RAI1: variants seen among roughly 807,000 people sequenced by gnomAD.
RAI1 encodes the protein retinoic acid induced 1.
RAI1 carries 9 observed loss-of-function variants against 123.8 expected under a neutral mutation model. The ratio of observed to expected loss-of-function variants is 0.07; its 90% CI spans 0.04 to 0.13. The LOEUF (loss-of-function observed/expected upper bound fraction) is 0.13, where lower values mean the gene tolerates loss of function less well. RAI1 is among the 10% of genes least tolerant of loss of function. The pLI, the probability that RAI1 is intolerant of heterozygous loss-of-function variation, is 1.00. For synonymous variants in RAI1, 1,231 were observed against 1,127.3 expected (o/e 1.09, Z -1.84); for missense variants, 2,256 against 2,545.8 (o/e 0.89, Z 2.45).
chr17:17,798,486 G>A lies in RAI1; in HGVS notation c.5538G>A (p.Gln1846=), dbSNP rs2032349439. The change falls in exon 3 of 6, where the codon CAG becomes CAA. Residue 1846 remains glutamine (Q), a synonymous_variant. Coordinates refer to ENST00000353383, the MANE Select transcript of RAI1 (RefSeq NM_030665.4). ...YLVAGKLFGL[Q]EAMKVAVDMM... is the part of the protein sequence containing the mutation. ...TGGCCGGGAAGCTCTTTGGGCTGCAGGAGGCCATGAAGGTGGCCGTGGACA... is the reference window on the plus strand; with the variant it reads ...TGGCCGGGAAGCTCTTTGGGCTGCAAGAGGCCATGAAGGTGGCCGTGGACA... 6.2e-7 allele frequency: 1 copy of A among 1,603,042 alleles called. No individual in the cohort carries two copies. The highest frequency in any genetic ancestry group is 1.1e-5 in the South Asian group (1 of 91,030).
chr17:17,740,966 GGGGT>G (rs1567863787), intron 2 of RAI1, among the ~76,000 whole-genome samples: 1 of 133,816 alleles, frequency 7.5e-6, no homozygotes, highest in Non-Finnish European at 1.6e-5. Context: ...GCGGGTGGGA[GGGGT>G]GGGTGAGGCA....
intron 4 of RAI1, chr17:17,804,086 G>A (rs575072766): frequency 1.6e-6 from 1 of 607,950 alleles, no homozygotes; most frequent in East Asian, 3.0e-5. Flanking sequence ...GAGCAGTGAG[G>A]GAAGATAGAA....
chr17:17,795,856 G>C lies in RAI1; in HGVS notation c.2908G>C (p.Ala970Pro). 1.9e-6 allele frequency: 3 copies of C among 1,613,004 alleles called. No individual in the cohort carries two copies. The highest frequency in any genetic ancestry group is 2.5e-6 in the Non-Finnish European group (3 of 1,179,990). ...TCCAGGGGATTCCACCACCTCGGAC[G>C]CCTCTCTGGCCCAGAAGCCCAACAA... Reference protein sequence around the residue: ...RAPGDSTTSDASLAQKPNKPA... With the variant: ...RAPGDSTTSDPSLAQKPNKPA... The change falls in exon 3 of 6, where the codon GCC becomes CCC. Residue 970 changes from alanine (A) to proline (P), a missense_variant. Transcript: ENST00000353383. The surrounding 1 kb of genome is among the most constrained non-coding windows in gnomAD (Gnocchi z 5.9).
rs2143001897 is a variant in RAI1, at chr17:17,794,275, G to A, written c.1327G>A (p.Glu443Lys). 4 of 1,613,300 alleles carry A rather than the reference G, an allele frequency of 2.5e-6. No individual in the cohort carries two copies. In the Admixed American group the frequency reaches 5.0e-5, roughly 20 times the overall value. ...QSLTALTSQV[E>K]NISNTVQQLL... ...CCTCACGGCGCTGACCTCACAGGTG[G>A]AGAACATCTCCAACACCGTCCAGCA... Residue 443 changes from glutamate to lysine, a missense_variant, in exon 3 of 6, where the codon GAG (glutamate) becomes AAG (lysine). This residue lies in a region of RAI1 where 357 missense variants were observed against 480.2 expected (regional missense o/e 0.74). Coordinates refer to ENST00000353383, the MANE Select transcript of RAI1 (RefSeq NM_030665.4).
At chr17:17,682,820 G>A (rs1303493576) in intron 1 of RAI1, among the ~76,000 whole-genome samples, 1 of 152,028 alleles carries the variant, frequency 6.6e-6, no homozygotes, top group African/African-American at 2.4e-5. Context: ...GGGCTGCCGC[G>A]GTGCTCTCCT....
chr17:17,802,035 C>T (rs748785689), intron 3 of RAI1: 1 of 470,418 alleles, frequency 2.1e-6, no homozygotes, highest in East Asian at 6.9e-5. Flanking sequence ...ACCCCCCGCC[C>T]CCAGCACGGT....
At chr17:17,803,624 G>T in intron 3 of RAI1, 132 bp from the exon 4 acceptor site, 1 of 818,190 alleles carries the variant, frequency 1.2e-6, no homozygotes, top group Non-Finnish European at 2.1e-6. Context: ...GGACTCAGGC[G>T]ATCCTCCCAC....
chr17:17,720,296 AG>A (rs1421973655), intron 1 of RAI1, among the ~76,000 whole-genome samples: 1 of 152,272 alleles, frequency 6.6e-6, no homozygotes, highest in Non-Finnish European at 1.5e-5. Flanking sequence ...TCCAGAACAC[AG>A]CCTCACCTCA....
rs2032451851 is a variant in RAI1, at chr17:17,801,234, G to T, written c.5566-2522G>T. Among the ~76,000 whole-genome samples, 1 of 152,148 alleles carries T rather than the reference G, an allele frequency of 6.6e-6. No homozygotes were observed. Among genetic ancestry groups the T allele is most frequent in the Non-Finnish European group, 1.5e-5 (1 of 68,022 alleles). On this transcript the variant is annotated intron_variant, in intron 3 of 5. Transcript: ENST00000353383. This position sits in a 1 kb window ranked among gnomAD's most constrained non-coding sequence, Gnocchi z 4.1. ...CCTATCCAGATGGAGCCTGGCCATG[G>T]AATGCTTGGGGTGAGAGGGACCCAT... is the stretch of plus-strand genomic sequence containing the variant.
chr17:17,684,371 T>C (rs1455850982), intron 1 of RAI1: 1 of 152,098 alleles, frequency 6.6e-6, no homozygotes, highest in Non-Finnish European at 1.5e-5. Flanking sequence ...TTTTTTTAAT[T>C]ACTGATTGCT....
intron 2 of RAI1, among the ~76,000 whole-genome samples, chr17:17,758,506 C>T (rs1028489333): frequency 6.6e-5 from 10 of 152,122 alleles, no homozygotes; most frequent in South Asian, 2.1e-4. Flanking sequence ...AGATGGAGGA[C>T]AGGAAAAGGC....
rs2032174170 is a variant in RAI1, at chr17:17,794,934, G to A, written c.1986G>A (p.Gly662=). The A allele has an allele frequency of 6.2e-7, 1 of 1,613,578 alleles. No homozygotes were observed. Among genetic ancestry groups the A allele is most frequent in the Admixed American group, 1.7e-5 (1 of 60,012 alleles). Residue 662 remains glycine (G), a synonymous_variant, in exon 3 of 6, where the codon GGG becomes GGA. Coordinates refer to ENST00000353383, the MANE Select transcript of RAI1 (RefSeq NM_030665.4). ...SVAKSAWPRP[G]EPEALPDSLQ... is the part of the protein sequence containing the mutation. ...CCAAGAGTGCGTGGCCCCGGCCTGG[G>A]GAGCCGGAGGCCCTGCCCGACTCCT...
intron 2 of RAI1, among the ~76,000 whole-genome samples, chr17:17,745,979 C>T (rs902234326): frequency 5.3e-5 from 8 of 152,194 alleles, no homozygotes; most frequent in African/African-American, 1.7e-4. Flanking sequence ...GGACTGGGTG[C>T]GTTGTTCCCA....
chr17:17,746,634 C>CTTTTCT (rs1467721828), intron 2 of RAI1, among the ~76,000 whole-genome samples: 14 of 120,402 alleles, frequency 1.2e-4, no homozygotes, highest in Non-Finnish European at 2.4e-4. Context: ...CTTTTCTTTT[C>CTTTTCT]TTTTTTTTTT....
chr17:17,706,026 A>G (rs1483833898), intron 1 of RAI1, among the ~76,000 whole-genome samples: 1 of 147,012 alleles, frequency 6.8e-6, no homozygotes, highest in Non-Finnish European at 1.5e-5. Flanking sequence ...CTGTCTCAAA[A>G]AAAAAAAAAA....
chr17:17,794,941 G>A lies in RAI1; in HGVS notation c.1993G>A (p.Glu665Lys), dbSNP rs1380187366. The change falls in exon 3 of 6, where the codon GAG (glutamate) becomes AAG (lysine). Residue 665 changes from glutamate (E) to lysine (K), a missense_variant. Glu to Lys is a moderately conservative substitution (Grantham distance 56). Coordinates refer to ENST00000353383, the MANE Select transcript of RAI1 (RefSeq NM_030665.4). Reference sequence around the variant, plus strand: ...TGCGTGGCCCCGGCCTGGGGAGCCGGAGGCCCTGCCCGACTCCTTGCAGCT... The same window carrying A: ...TGCGTGGCCCCGGCCTGGGGAGCCGAAGGCCCTGCCCGACTCCTTGCAGCT... Reference protein sequence around the residue: ...KSAWPRPGEPEALPDSLQLDK... With the variant: ...KSAWPRPGEPKALPDSLQLDK... 2 of 1,613,614 alleles carry A rather than the reference G, an allele frequency of 1.2e-6. No individual in the cohort carries two copies. The highest frequency in any genetic ancestry group is 1.7e-5 in the Admixed American group (1 of 60,010).
chr17:17,740,447 G>A (rs902400884), intron 2 of RAI1, among the ~76,000 whole-genome samples: 12 of 152,208 alleles, frequency 7.9e-5, no homozygotes, highest in Non-Finnish European at 1.3e-4. Flanking sequence ...CACCCACCCT[G>A]GTGGAAGTGG....
intron 2 of RAI1, among the ~76,000 whole-genome samples, chr17:17,775,201 AT>A (rs56152905): frequency 0.043 from 5,260 of 123,378 alleles, 116 homozygotes; most frequent in African/African-American, 0.087. Context: ...TTCATGTGTA[AT>A]TTTTTTTTTT....
chr17:17,754,235 G>A lies in RAI1; in HGVS notation c.-17+30076G>A, dbSNP rs555640869. Among the ~76,000 whole-genome samples, 79 of 112,126 alleles carry A rather than the reference G, an allele frequency of 7.0e-4. 1 individual carries two copies. The South Asian group carries it at 0.02, about 28-fold the overall frequency. 73.6% of individuals were successfully genotyped at this position (112,126 alleles called of 152,430 possible). On this transcript the variant is annotated intron_variant, in intron 2 of 5. Transcript: ENST00000353383. ...TTTTTTTTTTTTGAGACAGAGTTTC[G>A]CTCTTGCTGCCCAGGCTAGAGTGCA...
Sources: gnomAD v4.1 joint callset for allele counts (sites outside exome capture counted in the v4.1 genomes callset) on GRCh38, gnomAD v4.1.1 for gene constraint, gnomAD v4.1.1 regional missense constraint, Gnocchi (gnomAD v3.1) non-coding constraint, MANE v1.5 for transcripts, NCBI Gene and HGNC (gene_info 2026-07-23, HGNC 2026-07-21) for gene names.